Variants in CD200R1L observed in about 807,000 individuals in gnomAD.
The protein encoded by CD200R1L is cell surface glycoprotein CD200 receptor 2.
Under a neutral mutation model 24.8 loss-of-function variants are expected in CD200R1L, and 14 were observed. That is an observed-to-expected ratio of 0.56 (90% CI 0.37 to 0.88). The LOEUF is 0.88. Among genes scored for constraint, CD200R1L ranks in the 40% least tolerant of loss-of-function variants. The probability of loss-of-function intolerance (pLI) is 0.00; values close to 1 mark genes in which losing one functional copy is unlikely to be tolerated. For missense variants in CD200R1L, 299 were observed against 297.8 expected (o/e 1.00, Z -0.03); for synonymous variants, 111 against 109.2 (o/e 1.02, Z -0.11).
intron 7 of CD200R1L, among the ~76,000 whole-genome samples, chr3:112,817,508 G>T (rs9834949): frequency 6.6e-6 from 1 of 152,184 alleles, no homozygotes; most frequent in African/African-American, 2.4e-5. Context: ...CCTCTATTCT[G>T]TCTCCCTGTT....
chr3:112,844,207 T>C (rs1254440249), intron 2 of CD200R1L, among the ~76,000 whole-genome samples: 1 of 152,188 alleles, frequency 6.6e-6, no homozygotes, highest in East Asian at 1.9e-4. Flanking sequence ...CTAACAGACA[T>C]CTACAGACAA....
In CD200R1L at chr3:112,827,651, T is replaced by C. The variant is rs562574993; in HGVS notation, c.83A>G (p.Asn28Ser). The part of the protein sequence containing the change: ...NISQPVLMDI[N>S]AVLCCPPIAL... ...GATAGGAGGGCAACAAAGCACAGCA[T>C]TTATATCCATCAGTACAGGCTGTGA... The change falls in exon 5 of 8, where the codon AAT (asparagine) becomes AGT (serine). Residue 28 changes from asparagine (N) to serine (S), a missense_variant. Coordinates refer to ENST00000488794, the MANE Select transcript of CD200R1L (RefSeq NM_001199215.3). 5.6e-6 allele frequency: 9 copies of C among 1,613,890 alleles called. No homozygotes were observed. The East Asian group carries it at 1.6e-4, about 28-fold the overall frequency.
At chr3:112,835,740 G>A (rs531779166) in intron 3 of CD200R1L, among the ~76,000 whole-genome samples, 29 of 152,298 alleles carry the variant, frequency 1.9e-4, no homozygotes, top group African/African-American at 4.8e-4. Flanking sequence ...AACCCCCCTC[G>A]GCCTTTCTCC....
At chr3:112,822,064 C>T (rs1167021067) in intron 6 of CD200R1L, among the ~76,000 whole-genome samples, 1 of 152,218 alleles carries the variant, frequency 6.6e-6, no homozygotes, top group Non-Finnish European at 1.5e-5. Flanking sequence ...GTGTCAGCAA[C>T]TGTGCCAGAC....
chr3:112,838,574 C>T (rs1028735600), intron 2 of CD200R1L, among the ~76,000 whole-genome samples: 3 of 151,238 alleles, frequency 2.0e-5, no homozygotes, highest in Non-Finnish European at 2.9e-5. Flanking sequence ...GTCTCAATAA[C>T]AGAAAGCCTT....
At chr3:112,818,031 C>CGG (rs2107326134) in intron 7 of CD200R1L, among the ~76,000 whole-genome samples, 1 of 152,130 alleles carries the variant, frequency 6.6e-6, no homozygotes, top group East Asian at 1.9e-4. Flanking sequence ...GAGAATAGCA[C>CGG]GGGAAAGACC....
intron 2 of CD200R1L, chr3:112,841,282 C>G (rs776215333): frequency 2.2e-6 from 1 of 451,796 alleles, no homozygotes; most frequent in South Asian, 1.6e-5. Context: ...CTTGCTTCCC[C>G]TTCACATTTC....
At chr3:112,841,154 G>A (rs1306564507) in intron 2 of CD200R1L, 9 of 246,856 alleles carry the variant, frequency 3.6e-5, no homozygotes, top group African/African-American at 9.2e-5. Flanking sequence ...TCATGGGGTG[G>A]TTTCTAATGG....
intron 2 of CD200R1L, among the ~76,000 whole-genome samples, chr3:112,839,703 T>C (rs1939036103): frequency 7.2e-5 from 11 of 152,100 alleles, no homozygotes. Context: ...TCCTGAAAAT[T>C]GGAATGTGAA....
At chr3:112,820,949 C>T (rs966797189) in intron 6 of CD200R1L, among the ~76,000 whole-genome samples, 6 of 150,988 alleles carry the variant, frequency 4.0e-5, no homozygotes, top group African/African-American at 1.5e-4. Context: ...CTCAGCTACT[C>T]GGGAGGCGGA....
At chr3:112,833,001 T>A (rs575177823) in intron 3 of CD200R1L, among the ~76,000 whole-genome samples, 1 of 152,324 alleles carries the variant, frequency 6.6e-6, no homozygotes, top group South Asian at 2.1e-4. Flanking sequence ...TCACATGCAT[T>A]CCAGAGGTGA....
At chr3:112,841,696 C>T (rs1452105888) in intron 2 of CD200R1L, among the ~76,000 whole-genome samples, 1 of 152,224 alleles carries the variant, frequency 6.6e-6, no homozygotes, top group African/African-American at 2.4e-5. Context: ...CTTGCCACTC[C>T]TGAAATAGGG....
intron 6 of CD200R1L, among the ~76,000 whole-genome samples, chr3:112,820,346 T>C (rs1042818842): frequency 8.5e-5 from 13 of 152,226 alleles, no homozygotes; most frequent in Non-Finnish European, 1.6e-4. Context: ...GTTTTATATC[T>C]TCCTACTTTC....
At chr3:112,839,801 G>A (rs1466559986) in intron 2 of CD200R1L, among the ~76,000 whole-genome samples, 1 of 152,188 alleles carries the variant, frequency 6.6e-6, no homozygotes, top group Non-Finnish European at 1.5e-5. Context: ...TCCCACCCCT[G>A]TTTGAAGTGG....
intron 6 of CD200R1L, among the ~76,000 whole-genome samples, chr3:112,824,977 C>T (rs1938623539): frequency 6.6e-6 from 1 of 152,172 alleles, no homozygotes; most frequent in Non-Finnish European, 1.5e-5. Flanking sequence ...GTGGCTCACG[C>T]CTGGAATTCC....
intron 3 of CD200R1L, among the ~76,000 whole-genome samples, chr3:112,835,878 T>G (rs894035479): frequency 1.1e-4 from 17 of 152,174 alleles, no homozygotes; most frequent in Admixed American, 4.6e-4. Flanking sequence ...CCTGCCAACT[T>G]AGAAGCGGCA....
intron 6 of CD200R1L, among the ~76,000 whole-genome samples, chr3:112,820,414 T>C (rs1221581777): frequency 6.6e-6 from 1 of 152,136 alleles, no homozygotes; most frequent in Non-Finnish European, 1.5e-5. Flanking sequence ...ATCAAACTAA[T>C]TAGGAACATC....
intron 6 of CD200R1L, 67 bp from the exon 7 acceptor site, chr3:112,819,962 A>G: frequency 7.1e-7 from 1 of 1,400,664 alleles, no homozygotes; most frequent in South Asian, 1.5e-5. Context: ...AGAGTCAATC[A>G]TTTTAAAGAA....
At chr3:112,822,007 G>C (rs1055479067) in intron 6 of CD200R1L, among the ~76,000 whole-genome samples, 1 of 152,212 alleles carries the variant, frequency 6.6e-6, no homozygotes, top group Non-Finnish European at 1.5e-5. Context: ...GGAATATGTA[G>C]AGATGAGTCT....
Sources: gnomAD v4.1 joint callset for allele counts (sites outside exome capture counted in the v4.1 genomes callset) on GRCh38, gnomAD v4.1.1 for gene constraint, MANE v1.5 for transcripts, NCBI Gene and HGNC (gene_info 2026-07-23, HGNC 2026-07-21) for gene names.